TMEM178A: variants seen among roughly 807,000 people sequenced by gnomAD.
TMEM178A encodes transmembrane protein 178.
A neutral mutation model predicts 29.1 loss-of-function variants in TMEM178A; 12 were observed. The observed-to-expected ratio is 0.41, with a 90% CI of 0.26 to 0.67. TMEM178A has a LOEUF of 0.67. Ranked by LOEUF, TMEM178A falls within the 30% of genes least tolerant of loss-of-function variation. The probability of loss-of-function intolerance (pLI) is 0.29; values close to 1 mark genes in which losing one functional copy is unlikely to be tolerated. For synonymous variants in TMEM178A, 210 were observed against 187.2 expected (o/e 1.12, Z -0.99); for missense variants, 366 against 419.1 (o/e 0.87, Z 1.11).
chr2:39,695,526 G>C (rs1330329289), intron 1 of TMEM178A, among the ~76,000 whole-genome samples: 3 of 151,382 alleles, frequency 2.0e-5, no homozygotes, highest in Non-Finnish European at 4.4e-5. Context: ...CTTTTCGAAG[G>C]CAGTGAGCCT....
At chr2:39,677,410 C>T (rs1256699789) in intron 1 of TMEM178A, among the ~76,000 whole-genome samples, 3 of 152,160 alleles carry the variant, frequency 2.0e-5, no homozygotes, top group African/African-American at 7.2e-5. Context: ...AATATAATAA[C>T]TTTGAACAAG....
At chr2:39,720,609 CA>C (rs1672684271), downstream of TMEM178A, among the ~76,000 whole-genome samples, 1 of 152,226 alleles carries the variant, frequency 6.6e-6, no homozygotes, top group Non-Finnish European at 1.5e-5. Context: ...CCTGGCAACC[CA>C]TAACCAGATC....
At chr2:39,694,161 G>GTAGTAATAATAA (rs1553348013) in intron 1 of TMEM178A, among the ~76,000 whole-genome samples, 1 of 146,714 alleles carries the variant, frequency 6.8e-6, no homozygotes, top group African/African-American at 2.5e-5. Context: ...AGTAGTAGTA[G>GTAGTAATAATAA]TAATAATAAT....
Position 39,717,359 on chromosome 2 carries a change from C to T in TMEM178A, c.*108C>T. 6.9e-7 allele frequency: 1 copy of T among 1,442,026 alleles called. No homozygotes were observed. Among genetic ancestry groups the T allele is most frequent in the Non-Finnish European group, 9.2e-7 (1 of 1,082,670 alleles). The allele number at this position is 1,442,026 out of a possible 1,614,324, so 89.3% of individuals were successfully genotyped here. ...CTTTTACATTCCAACCTGTTGCCTG[C>T]CAGCCCTTTCTGGATTACTGATAGA... On this transcript the variant is annotated 3_prime_UTR_variant, in exon 4 of 4. Transcript: ENST00000281961.
chr2:39,701,667 C>G (rs894829630), intron 1 of TMEM178A, among the ~76,000 whole-genome samples: 1 of 152,050 alleles, frequency 6.6e-6, no homozygotes, highest in Non-Finnish European at 1.5e-5. Context: ...TTCTGCAGCT[C>G]TCATTATGCT....
intron 3 of TMEM178A, among the ~76,000 whole-genome samples, chr2:39,716,600 G>A (rs1341832133): frequency 6.6e-6 from 1 of 152,164 alleles, no homozygotes; most frequent in Non-Finnish European, 1.5e-5. Context: ...CAGAATAACT[G>A]TATGAAATTA....
intron 1 of TMEM178A, among the ~76,000 whole-genome samples, chr2:39,679,641 T>C (rs1670786706): frequency 6.6e-6 from 1 of 152,156 alleles, no homozygotes; most frequent in Admixed American, 6.5e-5. Context: ...TCTCTGTTCT[T>C]TCACAGGACT....
intron 1 of TMEM178A, among the ~76,000 whole-genome samples, chr2:39,676,716 AG>A (rs1670641169): frequency 6.6e-6 from 1 of 152,194 alleles, no homozygotes; most frequent in Non-Finnish European, 1.5e-5. Flanking sequence ...GAGGGGTTCC[AG>A]AGAGCCACAC....
rs66983117 is a variant in TMEM178A at position 39,694,161 on chromosome 2, G to GTAATAATAATAATAA, written c.401-9909_401-9895dup. 6.5e-4 allele frequency among the ~76,000 whole-genome samples: 95 copies of GTAATAATAATAATAA among 146,712 alleles called. 1 individual carries two copies. Among genetic ancestry groups the GTAATAATAATAATAA allele is most frequent in the African/African-American group, 2.0e-3 (80 of 40,102 alleles). The stretch of plus-strand genomic sequence containing the variant: ...AAAAAAAGTAGCAATAGTAGTAGTA[G>GTAATAATAATAATAA]TAATAATAATAATAATAATAATAAT... On this transcript the variant is annotated intron_variant, in intron 1 of 3. Transcript: ENST00000281961.
At chr2:39,689,745 G>A (rs948628936) in intron 1 of TMEM178A, among the ~76,000 whole-genome samples, 5 of 152,110 alleles carry the variant, frequency 3.3e-5, no homozygotes, top group Non-Finnish European at 5.9e-5. Context: ...AAGAATAGGC[G>A]GTTCCAACCC....
intron 1 of TMEM178A, among the ~76,000 whole-genome samples, chr2:39,697,103 AG>A (rs948479484): frequency 1.3e-5 from 2 of 152,226 alleles, no homozygotes; most frequent in African/African-American, 2.4e-5. Context: ...GGATTTTAAC[AG>A]TATAAATTAT....
chr2:39,679,164 T>TTG (rs1558445715), intron 1 of TMEM178A, among the ~76,000 whole-genome samples: 3 of 152,226 alleles, frequency 2.0e-5, no homozygotes, highest in Admixed American at 1.3e-4. Context: ...AGGCCAGGGA[T>TTG]GGATACCATC....
chr2:39,696,598 A>G (rs1671552273), intron 1 of TMEM178A, among the ~76,000 whole-genome samples: 1 of 152,214 alleles, frequency 6.6e-6, no homozygotes. Context: ...CTAGGATTCA[A>G]ACCCAAGTCT....
intron 1 of TMEM178A, among the ~76,000 whole-genome samples, chr2:39,668,844 A>G (rs1670286810): frequency 6.6e-6 from 1 of 152,202 alleles, no homozygotes. Flanking sequence ...TTCTGAGTCT[A>G]TGAATAATTT....
intron 1 of TMEM178A, among the ~76,000 whole-genome samples, chr2:39,682,492 A>G (rs1350114125): frequency 6.6e-6 from 1 of 151,964 alleles, no homozygotes; most frequent in African/African-American, 2.4e-5. Context: ...CCCTTTGAAT[A>G]TTCCACTTTG....
the TMEM178A span, among the ~76,000 whole-genome samples, chr2:39,733,992 T>C: frequency 1.3e-5 from 2 of 149,186 alleles, no homozygotes; most frequent in East Asian, 3.9e-4. Flanking sequence ...GAATTCTCTT[T>C]AACATAAAAA....
chr2:39,706,194 T>A (rs1478753444), intron 2 of TMEM178A, among the ~76,000 whole-genome samples: 1 of 152,142 alleles, frequency 6.6e-6, no homozygotes, highest in East Asian at 1.9e-4. Context: ...AGAGCTGGAT[T>A]TCTGGCTCAG....
At chr2:39,699,855 TA>T (rs1404943251) in intron 1 of TMEM178A, among the ~76,000 whole-genome samples, 1 of 152,224 alleles carries the variant, frequency 6.6e-6, no homozygotes, top group Non-Finnish European at 1.5e-5. Context: ...ATTTTGTTTT[TA>T]TTAATTTCAA....
chr2:39,697,601 C>G (rs6738748), intron 1 of TMEM178A, among the ~76,000 whole-genome samples: 8,288 of 152,240 alleles, frequency 0.054, 759 homozygotes, highest in African/African-American at 0.19. Flanking sequence ...TGTCAGCCCA[C>G]ACCTCATCAT....
Sources: gnomAD v4.1 joint callset for allele counts (sites outside exome capture counted in the v4.1 genomes callset) on GRCh38, gnomAD v4.1.1 for gene constraint, MANE v1.5 for transcripts, NCBI Gene and HGNC (gene_info 2026-07-23, HGNC 2026-07-21) for gene names.